The following ZSCAN9 variants were observed in gnomAD, a reference collection of about 807,000 sequenced individuals.
ZSCAN9 encodes zinc finger and SCAN domain containing 9.
In ZSCAN9, 19 loss-of-function variants were observed where a neutral mutation model predicts 23.0. The observed-to-expected ratio is 0.83, with a 90% CI of 0.58 to 1.21. The LOEUF is 1.21. Among genes scored for constraint, ZSCAN9 ranks in the 50% most tolerant of loss-of-function variants. ZSCAN9 has a pLI of 0.00. For synonymous variants in ZSCAN9, 155 were observed against 164.8 expected (o/e 0.94, Z 0.46); for missense variants, 467 against 471.5 (o/e 0.99, Z 0.09).
rs1760161830 is a variant in ZSCAN9 at position 28,227,701 on chromosome 6, C to T, written c.432C>T (p.His144=). 1.3e-6 allele frequency: 2 copies of T among 1,595,524 alleles called. No individual in the cohort carries two copies. Among genetic ancestry groups the T allele is most frequent in the Admixed American group, 1.9e-5 (1 of 53,016 alleles). Reference sequence around the variant, plus strand: ...CTTTTTGTCCCCAGATGGTGGCCCACAGACACAGACAAGAAGTCCTCTGTA... The same window carrying T: ...CTTTTTGTCCCCAGATGGTGGCCCATAGACACAGACAAGAAGTCCTCTGTA... The part of the protein sequence containing the change: ...LDEPQHEMVA[H]RHRQEVLCKE... The change falls in exon 3 of 4, where the codon CAC becomes CAT. Residue 144 remains histidine, a synonymous_variant. Transcript: ENST00000252207.
At position 28,227,063 on chromosome 6, in the gene ZSCAN9, T is replaced by C; in HGVS notation, c.-22T>C. The C allele has an allele frequency of 6.2e-7, 1 of 1,604,000 alleles. No individual in the cohort carries two copies. ...AGCATAGCTCCAGCTGGAGGGTACC[T>C]TTTAAGCTGTTCAAGGTCAAGATGA... is the stretch of plus-strand genomic sequence containing the variant. On this transcript the variant is annotated 5_prime_UTR_variant, in exon 2 of 4. Coordinates refer to ENST00000252207, the MANE Select transcript of ZSCAN9 (RefSeq NM_006299.5).
chr6:28,233,249 CTCTT>C lies in ZSCAN9; in HGVS notation c.*76_*79del, dbSNP rs960266588. 2 of 1,533,392 alleles carry C rather than the reference CTCTT, an allele frequency of 1.3e-6. No homozygotes were observed. The highest frequency in any genetic ancestry group is 2.8e-5 in the African/African-American group (2 of 72,198). The allele number at this position is 1,533,392 out of a possible 1,614,324, so 95.0% of individuals were successfully genotyped here. On this transcript the variant is annotated 3_prime_UTR_variant, in exon 4 of 4. Coordinates refer to ENST00000252207, the MANE Select transcript of ZSCAN9 (RefSeq NM_006299.5). Reference sequence around the variant, plus strand: ...GGGGCAGGTTGAGACTAGAAAATGCCTCTTTCTTCCTTTCTCCATGAAATGTGTT... The same window carrying C: ...GGGGCAGGTTGAGACTAGAAAATGCCTCTTCCTTTCTCCATGAAATGTGTT...
intron 3 of ZSCAN9, among the ~76,000 whole-genome samples, chr6:28,230,983 A>G (rs1049299258): frequency 1.6e-4 from 25 of 152,152 alleles, no homozygotes; most frequent in African/African-American, 5.8e-4. Flanking sequence ...ACCTTGGATA[A>G]TTGTGGATTT....
Position 28,227,191 on chromosome 6 carries a change from A to G in ZSCAN9, c.107A>G (p.Gln36Arg). 6.2e-7 allele frequency: 1 copy of G among 1,614,256 alleles called. No homozygotes were observed. The highest frequency in any genetic ancestry group is 8.5e-7 in the Non-Finnish European group (1 of 1,180,044). ...KVEAKSHLQW[Q>R]ESRLKRSNPL... The stretch of plus-strand genomic sequence containing the variant: ...GAAGCAAAAAGTCACCTTCAATGGC[A>G]GGAATCCAGACTGAAACGCAGTAAT... Residue 36 changes from glutamine (Q) to arginine (R), a missense_variant, in exon 2 of 4, where the codon CAG (glutamine) becomes CGG (arginine). Transcript: ENST00000252207.
intron 3 of ZSCAN9, 38 bp from the exon 4 acceptor site, chr6:28,232,524 A>G (rs762764711): frequency 5.7e-6 from 9 of 1,578,780 alleles, no homozygotes; most frequent in Non-Finnish European, 7.7e-6. Flanking sequence ...AGGCTCAGGG[A>G]ACAAGTGACA....
In ZSCAN9 at chr6:28,227,781, A is replaced by G; in HGVS notation, c.512A>G (p.Lys171Arg). The G allele has an allele frequency of 6.2e-7, 1 of 1,613,596 alleles. No homozygotes were observed. The highest frequency in any genetic ancestry group is 8.5e-7 in the Non-Finnish European group (1 of 1,179,868). ...QTPLTLQSQP[K>R]EPQLTCDSAQ... ...CCACTGACCCTTCAGTCCCAGCCTA[A>G]GGAGCCACAGCTCACATGTGACTCT... The change falls in exon 3 of 4, where the codon AAG (lysine) becomes AGG (arginine). Residue 171 changes from lysine to arginine, a missense_variant. Transcript: ENST00000252207.
At chr6:28,231,161 C>T (rs1325721673) in intron 3 of ZSCAN9, among the ~76,000 whole-genome samples, 1 of 152,054 alleles carries the variant, frequency 6.6e-6, no homozygotes, top group Non-Finnish European at 1.5e-5. Context: ...AAGAGATTAA[C>T]AACAATAACT....
chr6:28,226,180 A>G (rs1009327759), intron 1 of ZSCAN9, among the ~76,000 whole-genome samples: 2 of 152,210 alleles, frequency 1.3e-5, no homozygotes, highest in African/African-American at 4.8e-5. Flanking sequence ...TGAGGATGAA[A>G]TATAGTCTTG....
chr6:28,230,452 G>A (rs1183292041), intron 3 of ZSCAN9: 1 of 1,536,058 alleles, frequency 6.5e-7, no homozygotes. Context: ...AAAAGGAGGA[G>A]GAGAAACATG....
At chr6:28,228,181 G>C (rs1760183171) in intron 3 of ZSCAN9, 1 of 622,278 alleles carries the variant, frequency 1.6e-6, no homozygotes, top group East Asian at 2.8e-5. Flanking sequence ...GTATTGGGCA[G>C]ATTACTTAAC....
rs1202472320 is a variant in ZSCAN9, at chr6:28,232,674, G to A, written c.681G>A (p.Gln227=). ...AGCAGACCTGGGAGGTATCACAGCA[G>A]GATCCCTCACATGGAGAAGTTGGTG... ...FNEQTWEVSQ[Q]DPSHGEVGEH... is the part of the protein sequence containing the mutation. Residue 227 remains glutamine, a synonymous_variant, in exon 4 of 4, where the codon CAG becomes CAA. Transcript: ENST00000252207. The A allele has an allele frequency of 6.2e-7, 1 of 1,614,058 alleles. No individual in the cohort carries two copies. Among genetic ancestry groups the A allele is most frequent in the African/African-American group, 1.3e-5 (1 of 74,908 alleles).
In ZSCAN9 at chr6:28,232,918, C is replaced by T. The variant is rs901650293; in HGVS notation, c.925C>T (p.Arg309Trp). Reference sequence around the variant, plus strand: ...CCGAGGAATCCACAATATACAGAAACGGTACCACTGCAAGGAGTGTGGGAA... The same window carrying T: ...CCGAGGAATCCACAATATACAGAAATGGTACCACTGCAAGGAGTGTGGGAA... ...NHRGIHNIQKRYHCKECGKVF... is the reference protein window; with the variant it reads ...NHRGIHNIQKWYHCKECGKVF... The change falls in exon 4 of 4, where the codon CGG (arginine) becomes TGG (tryptophan). Residue 309 changes from arginine (R) to tryptophan (W), a missense_variant. By Grantham distance (101) the Arg-to-Trp change is moderately radical. Transcript: ENST00000252207. The T allele has an allele frequency of 3.0e-5, 48 of 1,614,026 alleles. No individual in the cohort carries two copies. The highest frequency in any genetic ancestry group is 1.3e-4 in the African/African-American group (10 of 74,912).
intron 1 of ZSCAN9, among the ~76,000 whole-genome samples, chr6:28,226,374 T>C (rs1760117357): frequency 1.3e-5 from 2 of 152,256 alleles, no homozygotes; most frequent in South Asian, 4.1e-4. Context: ...AATAGTAAAG[T>C]AAATGTTGGT....
chr6:28,226,204 A>G (rs1760112831), intron 1 of ZSCAN9, among the ~76,000 whole-genome samples: 1 of 152,196 alleles, frequency 6.6e-6, no homozygotes, highest in African/African-American at 2.4e-5. Flanking sequence ...CTGAAAGCAT[A>G]TTGTAGACTT....
chr6:28,227,709 G>A lies in ZSCAN9; in HGVS notation c.440G>A (p.Arg147Lys), dbSNP rs1160097310. The change falls in exon 3 of 4, where the codon AGA (arginine) becomes AAA (lysine). Residue 147 changes from arginine to lysine, a missense_variant. Arg to Lys is a conservative substitution (Grantham distance 26). Transcript: ENST00000252207. ...PQHEMVAHRH[R>K]QEVLCKEMVP... ...CCCCAGATGGTGGCCCACAGACACA[G>A]ACAAGAAGTCCTCTGTAAAGAGATG... 5.0e-6 allele frequency: 8 copies of A among 1,602,890 alleles called. 1 individual carries two copies. Among genetic ancestry groups the A allele is most frequent in the Non-Finnish European group, 6.8e-6 (8 of 1,177,426 alleles).
intron 3 of ZSCAN9, among the ~76,000 whole-genome samples, chr6:28,229,480 A>G (rs541093456): frequency 9.2e-5 from 14 of 152,230 alleles, no homozygotes; most frequent in Admixed American, 5.2e-4. Context: ...AGCATCTACT[A>G]TGGCTGTAGG....
intron 3 of ZSCAN9, chr6:28,229,010 ACAAT>A (rs1760205876): frequency 6.6e-6 from 1 of 152,206 alleles, no homozygotes; most frequent in African/African-American, 2.4e-5. Flanking sequence ...TAATGTTCTG[ACAAT>A]CAATCTGTAG....
intron 1 of ZSCAN9, among the ~76,000 whole-genome samples, chr6:28,226,161 G>T (rs993636416): frequency 6.6e-6 from 1 of 152,168 alleles, no homozygotes; most frequent in African/African-American, 2.4e-5. Flanking sequence ...AAACCTCAGT[G>T]GGTAATTGTG....
chr6:28,231,784 G>A (rs1760309226), intron 3 of ZSCAN9, among the ~76,000 whole-genome samples: 1 of 151,852 alleles, frequency 6.6e-6, no homozygotes, highest in Non-Finnish European at 1.5e-5. Flanking sequence ...TAGTATATTT[G>A]AACTGTGATT....
Sources: allele counts gnomAD v4.1 joint callset (sites outside exome capture counted in the v4.1 genomes callset), GRCh38; gene constraint gnomAD v4.1.1; transcripts MANE v1.5; gene names NCBI Gene and HGNC (gene_info 2026-07-23, HGNC 2026-07-21).